SLC9C1: variants seen among roughly 807,000 people sequenced by gnomAD.
SLC9C1 encodes the protein solute carrier family 9 member C1, also known as sodium/hydrogen exchanger 10.
SLC9C1 carries 97 observed loss-of-function variants against 140.9 expected under a neutral mutation model. The observed-to-expected ratio is 0.69, with a 90% CI of 0.58 to 0.82. The LOEUF (loss-of-function observed/expected upper bound fraction) is 0.82, where lower values mean the gene tolerates loss of function less well. Among genes scored for constraint, SLC9C1 ranks in the 40% least tolerant of loss-of-function variants. The probability of loss-of-function intolerance (pLI) is 0.00; values close to 1 mark genes in which losing one functional copy is unlikely to be tolerated. For missense variants in SLC9C1, 1,340 were observed against 1,389.3 expected (o/e 0.96, Z 0.56); for synonymous variants, 440 against 442.6 (o/e 0.99, Z 0.07).
chr3:112,271,053 G>A (rs13095956), intron 6 of SLC9C1, among the ~76,000 whole-genome samples: 44,955 of 151,882 alleles, frequency 0.3, 7,211 homozygotes, highest in East Asian at 0.42. Flanking sequence ...ATTATGCTAA[G>A]TGAAATAAGA....
intron 15 of SLC9C1, among the ~76,000 whole-genome samples, chr3:112,215,930 G>A (rs1323776980): frequency 6.6e-6 from 1 of 152,172 alleles, no homozygotes; most frequent in East Asian, 1.9e-4. Flanking sequence ...AAAGCTGGAG[G>A]CATCACGCTA....
intron 7 of SLC9C1, 114 bp from the exon 8 acceptor site, chr3:112,266,454 G>A: frequency 2.7e-6 from 2 of 729,896 alleles, no homozygotes; most frequent in East Asian, 3.0e-5. Context: ...TTTATAGAGA[G>A]GCAACTTCAC....
At chr3:112,285,325 G>T (rs547852549) in intron 2 of SLC9C1, among the ~76,000 whole-genome samples, 1 of 151,848 alleles carries the variant, frequency 6.6e-6, no homozygotes, top group Non-Finnish European at 1.5e-5. Context: ...TGCAACCTTC[G>T]CCTCCCAGGC....
intron 13 of SLC9C1, among the ~76,000 whole-genome samples, chr3:112,230,159 C>G (rs2078783197): frequency 1.3e-5 from 2 of 152,106 alleles, no homozygotes; most frequent in African/African-American, 4.8e-5. Flanking sequence ...CTCTGAAATC[C>G]TGGTCTAGAT....
At position 112,216,343 on chromosome 3, in the gene SLC9C1, A is replaced by G. The variant is rs193268527; in HGVS notation, c.1790+1099T>C. Among the ~76,000 whole-genome samples, 684 of 152,344 alleles carry G rather than the reference A, an allele frequency of 4.5e-3. 10 individuals are homozygous for G. Among genetic ancestry groups the G allele is most frequent in the East Asian group, 0.012 (64 of 5,194 alleles). Reference sequence around the variant, plus strand: ...ACCAAAAGCAATGGCAACAAAAGCCAAAATTGACAAATGGGATCTAATTAA... The same window carrying G: ...ACCAAAAGCAATGGCAACAAAAGCCGAAATTGACAAATGGGATCTAATTAA... On this transcript the variant is annotated intron_variant, in intron 15 of 28. Transcript: ENST00000305815.
chr3:112,187,429 T>A (rs958554057), intron 20 of SLC9C1, among the ~76,000 whole-genome samples: 12 of 152,178 alleles, frequency 7.9e-5, no homozygotes, highest in African/African-American at 2.7e-4. Flanking sequence ...AACTGTATAA[T>A]CAGCATTAAA....
intron 7 of SLC9C1, among the ~76,000 whole-genome samples, chr3:112,267,682 A>T (rs1021551082): frequency 6.6e-6 from 1 of 151,854 alleles, no homozygotes; most frequent in Non-Finnish European, 1.5e-5. Flanking sequence ...AATTTAGTGA[A>T]ATTAATGCCA....
At chr3:112,185,395 G>A in intron 20 of SLC9C1, 1 of 850,656 alleles carries the variant, frequency 1.2e-6, no homozygotes, top group South Asian at 1.7e-5. Flanking sequence ...GATGGGGATG[G>A]GGAAGCTGAA....
rs376328121 is a variant in SLC9C1 at position 112,270,123 on chromosome 3, G to A, written c.614-46C>T. ...TAAGAAATAGTTAATAGAACTTGCC[G>A]TTAATTTTAATTGATATTCCTTGTT... On this transcript the variant is annotated intron_variant, in intron 6 of 28. Coordinates refer to ENST00000305815, the MANE Select transcript of SLC9C1 (RefSeq NM_183061.3). 313 of 1,408,356 alleles carry A rather than the reference G, an allele frequency of 2.2e-4. 3 individuals are homozygous for A. The highest frequency in any genetic ancestry group is 1.9e-3 in the Middle Eastern group (10 of 5,296). The allele number at this position is 1,408,356 out of a possible 1,614,324, so 87.2% of individuals were successfully genotyped here. A position where few individuals can be genotyped will look rare whatever the true frequency, so the allele number is the denominator to read the frequency against.
At chr3:112,267,465 A>G (rs2079951006) in intron 7 of SLC9C1, among the ~76,000 whole-genome samples, 1 of 149,678 alleles carries the variant, frequency 6.7e-6, no homozygotes, top group East Asian at 2.0e-4. Context: ...AGTCCCAGTT[A>G]CTTGGGAGGC....
rs143188818 is a variant in SLC9C1 at position 112,271,979 on chromosome 3, GTGT to G, written c.614-1905_614-1903del. ...GCACCAAAAGATATTTGCTTCTTTG[GTGT>G]TGTTACTTTTATATTTTGCCTAATT... is the stretch of plus-strand genomic sequence containing the variant. On this transcript the variant is annotated intron_variant, in intron 6 of 28. Coordinates refer to ENST00000305815, the MANE Select transcript of SLC9C1 (RefSeq NM_183061.3). 7.6e-3 allele frequency among the ~76,000 whole-genome samples: 1,161 copies of G among 152,190 alleles called. 11 individuals are homozygous for G. Among genetic ancestry groups the G allele is most frequent in the African/African-American group, 0.023 (974 of 41,516 alleles).
chr3:112,199,332 C>T lies in SLC9C1; in HGVS notation c.2512G>A (p.Gly838Arg). ...KGIISKTEGAGINKLIMAKKK... is the reference protein window; with the variant it reads ...KGIISKTEGARINKLIMAKKK... ...ATATTTTGCCTTACCTTATTAATTC[C>T]AGCACCTTCAGTTTTACTAATAATT... is the stretch of plus-strand genomic sequence containing the variant. Residue 838 changes from glycine (G) to arginine (R), a missense_variant, in exon 20 of 29, where the codon GGA becomes AGA. Coordinates refer to ENST00000305815, the MANE Select transcript of SLC9C1 (RefSeq NM_183061.3). 1.3e-6 allele frequency: 2 copies of T among 1,570,068 alleles called. No homozygotes were observed. The highest frequency in any genetic ancestry group is 1.7e-6 in the Non-Finnish European group (2 of 1,162,144).
intron 27 of SLC9C1, among the ~76,000 whole-genome samples, chr3:112,154,739 G>C (rs1433554919): frequency 6.6e-6 from 1 of 152,068 alleles, no homozygotes; most frequent in East Asian, 1.9e-4. Flanking sequence ...GGTAGTGCCT[G>C]GTTGCTAATG....
intron 18 of SLC9C1, among the ~76,000 whole-genome samples, chr3:112,201,382 G>C (rs989978589): frequency 6.6e-6 from 1 of 152,036 alleles, no homozygotes; most frequent in African/African-American, 2.4e-5. Context: ...TCAGTGGTTA[G>C]AAAAGGTAAT....
rs1480335212 is a variant in SLC9C1, at chr3:112,269,967, C to T, written c.724G>A (p.Val242Ile). ...FWMSTVFGDD[V>I]NHISLIFSIL... ...GAAAAGATGAGACTTATATGATTGA[C>T]ATCATCACCAAAAACAGTTGACATC... Residue 242 changes from valine (V) to isoleucine (I), a missense_variant, in exon 7 of 29, where the codon GTC becomes ATC. Physicochemically the swap from Val to Ile is conservative, Grantham distance 29 (BLOSUM62 3). Coordinates refer to ENST00000305815, the MANE Select transcript of SLC9C1 (RefSeq NM_183061.3). 8.1e-6 allele frequency: 13 copies of T among 1,598,642 alleles called. No individual in the cohort carries two copies. Among genetic ancestry groups the T allele is most frequent in the South Asian group, 1.1e-5 (1 of 87,722 alleles).
chr3:112,268,932 C>A lies in SLC9C1; in HGVS notation c.775+984G>T, dbSNP rs571779352. 1.1e-4 allele frequency among the ~76,000 whole-genome samples: 17 copies of A among 152,278 alleles called. No individual in the cohort carries two copies. In the East Asian group the frequency reaches 3.1e-3, roughly 28 times the overall value. On this transcript the variant is annotated intron_variant, in intron 7 of 28. Coordinates refer to ENST00000305815, the MANE Select transcript of SLC9C1 (RefSeq NM_183061.3). ...ATTCTGAGGCTGTGTCAGGAAACAG[C>A]AGTATGGCTAATTATCAATAGCTAC... is the stretch of plus-strand genomic sequence containing the variant.
At chr3:112,175,398 A>G (rs920760095) in intron 23 of SLC9C1, among the ~76,000 whole-genome samples, 2 of 152,200 alleles carry the variant, frequency 1.3e-5, no homozygotes, top group Non-Finnish European at 2.9e-5. Flanking sequence ...GAACCCGGTC[A>G]GGAGGTCCCA....
chr3:112,154,468 T>C (rs1346020318), intron 27 of SLC9C1, among the ~76,000 whole-genome samples: 1 of 152,146 alleles, frequency 6.6e-6, no homozygotes, highest in Non-Finnish European at 1.5e-5. Context: ...ATCCCCAGGG[T>C]CATAGAGGAA....
In SLC9C1 at chr3:112,192,180, T is replaced by C. The variant is rs115964901; in HGVS notation, c.2523+7141A>G. ...GTATTAAGTACATTCATACTGTTGC[T>C]TAACCATCACTACCATCCATCTCCA... is the stretch of plus-strand genomic sequence containing the variant. On this transcript the variant is annotated intron_variant, in intron 20 of 28. Transcript: ENST00000305815. Among the ~76,000 whole-genome samples, 951 of 152,254 alleles carry C rather than the reference T, an allele frequency of 6.2e-3. 7 individuals carry two copies. The highest frequency in any genetic ancestry group is 8.7e-3 in the Non-Finnish European group (594 of 67,964).
Sources: gnomAD v4.1 joint callset for allele counts (sites outside exome capture counted in the v4.1 genomes callset) on GRCh38, gnomAD v4.1.1 for gene constraint, MANE v1.5 for transcripts, NCBI Gene and HGNC (gene_info 2026-07-23, HGNC 2026-07-21) for gene names.